The following SLBP variants were observed in gnomAD, a reference collection of about 807,000 sequenced individuals.
The protein encoded by SLBP is stem-loop histone mRNA binding protein.
A neutral mutation model predicts 39.2 loss-of-function variants in SLBP; 29 were observed. The ratio of observed to expected loss-of-function variants is 0.74; its 90% CI spans 0.55 to 1.01. The LOEUF is 1.01. Ranked by LOEUF, SLBP falls within the 50% of genes least tolerant of loss-of-function variation. The probability of loss-of-function intolerance (pLI) is 0.00; values close to 1 mark genes in which losing one functional copy is unlikely to be tolerated. For synonymous variants in SLBP, 129 were observed against 118.7 expected (o/e 1.09, Z -0.57); for missense variants, 390 against 350.2 (o/e 1.11, Z -0.91).
chr4:1,708,106 AG>A (rs1256674873), intron 2 of SLBP, among the ~76,000 whole-genome samples: 1 of 145,822 alleles, frequency 6.9e-6, no homozygotes, highest in Non-Finnish European at 1.5e-5. Flanking sequence ...AAAAAAAATC[AG>A]GCGGGCGTGG....
chr4:1,696,132 G>C, intron 6 of SLBP, 70 bp downstream of exon 6: 1 of 1,365,362 alleles, frequency 7.3e-7, no homozygotes, highest in Non-Finnish European at 9.9e-7. Flanking sequence ...TCCTGTCCCA[G>C]TGGTGCGCAG....
In SLBP at chr4:1,700,144, C is replaced by A; in HGVS notation, c.282-74G>T. The A allele has an allele frequency of 9.2e-6, 9 of 980,308 alleles. No individual in the cohort carries two copies. In the Admixed American group the frequency reaches 1.3e-4, roughly 14 times the overall value. 60.7% of individuals were successfully genotyped at this position (980,308 alleles called of 1,614,324 possible). On this transcript the variant is annotated intron_variant, in intron 3 of 7. Coordinates refer to ENST00000489418, the MANE Select transcript of SLBP (RefSeq NM_006527.4). Reference sequence around the variant, plus strand: ...AGCAGCCAGGTCTGAGGAAGCTCCACCCTGATGCCCGCAGGCACACCATCC... The same window carrying A: ...AGCAGCCAGGTCTGAGGAAGCTCCAACCTGATGCCCGCAGGCACACCATCC...
chr4:1,706,803 G>A (rs1056066378), intron 2 of SLBP, among the ~76,000 whole-genome samples: 1 of 152,054 alleles, frequency 6.6e-6, no homozygotes, highest in Non-Finnish European at 1.5e-5. Flanking sequence ...ACTCCAGCCT[G>A]GGGGAGAGAG....
Position 1,693,451 on chromosome 4 carries a change from A to G in SLBP, c.*146T>C. 1.6e-6 allele frequency: 1 copy of G among 636,066 alleles called. No individual in the cohort carries two copies. The highest frequency in any genetic ancestry group is 2.7e-5 in the Admixed American group (1 of 37,570). The allele number at this position is 636,066 out of a possible 1,614,324, so 39.4% of individuals were successfully genotyped here. On this transcript the variant is annotated 3_prime_UTR_variant, in exon 8 of 8. Coordinates refer to ENST00000489418, the MANE Select transcript of SLBP (RefSeq NM_006527.4). Reference sequence around the variant, plus strand: ...TACATAAAATTAATGTTTCTTAAGAAAGTAAGGCAAAAATAATTCAGCATG... The same window carrying G: ...TACATAAAATTAATGTTTCTTAAGAGAGTAAGGCAAAAATAATTCAGCATG...
intron 2 of SLBP, among the ~76,000 whole-genome samples, chr4:1,710,498 A>G (rs577561090): frequency 4.6e-5 from 7 of 152,232 alleles, no homozygotes; most frequent in Admixed American, 1.3e-4. Context: ...GGACATACCT[A>G]GAAGAACACG....
chr4:1,694,396 C>CT (rs35411773), intron 7 of SLBP, among the ~76,000 whole-genome samples: 3,038 of 136,798 alleles, frequency 0.022, 32 homozygotes, highest in African/African-American at 0.023. Context: ...GGTTTTCTTT[C>CT]TTTTTTTTTT....
At chr4:1,711,752 A>C in intron 2 of SLBP, 122 bp downstream of exon 2, 1 of 465,762 alleles carries the variant, frequency 2.1e-6, no homozygotes, top group Non-Finnish European at 3.5e-6. Context: ...GGAGACCAAG[A>C]TAAAAGGACG....
rs761754140 is a variant in SLBP at position 1,694,844 on chromosome 4, T to C, written c.630-4A>G. 4 of 1,610,250 alleles carry C rather than the reference T, an allele frequency of 2.5e-6. No individual in the cohort carries two copies. Among genetic ancestry groups the C allele is most frequent in the Non-Finnish European group, 3.4e-6 (4 of 1,176,488 alleles). On this transcript the variant is annotated splice_region_variant and splice_polypyrimidine_tract_variant and intron_variant, in intron 6 of 7. Transcript: ENST00000489418. The stretch of plus-strand genomic sequence containing the variant: ...AGATTCAAGGTCTACAGGGTGTCTG[T>C]TAAACAAGATCCAACATGTGCGTCA...
At chr4:1,697,172 A>G (rs1716140987) in intron 5 of SLBP, among the ~76,000 whole-genome samples, 1 of 148,636 alleles carries the variant, frequency 6.7e-6, no homozygotes, top group Non-Finnish European at 1.5e-5. Flanking sequence ...AAAAAAAAAA[A>G]AAAAAAAAAA....
intron 2 of SLBP, among the ~76,000 whole-genome samples, chr4:1,710,915 G>A (rs1490148688): frequency 1.3e-5 from 2 of 151,984 alleles, no homozygotes; most frequent in African/African-American, 4.8e-5. Flanking sequence ...GCCGGGCGCG[G>A]TGGCATGCGC....
intron 6 of SLBP, 73 bp downstream of exon 6, chr4:1,696,129 C>T: frequency 1.5e-6 from 2 of 1,349,162 alleles, no homozygotes; most frequent in Non-Finnish European, 2.0e-6. Flanking sequence ...ACCTCCTGTC[C>T]CAGTGGTGCG....
chr4:1,698,754 G>C (rs143108258), intron 5 of SLBP, among the ~76,000 whole-genome samples: 1,845 of 149,296 alleles, frequency 0.012, 29 homozygotes, highest in African/African-American at 0.042. Context: ...AAAGTGCTGG[G>C]ATTACAGGCA....
chr4:1,699,563 C>T lies in SLBP; in HGVS notation c.479+1G>A. On this transcript the variant is annotated splice_donor_variant, in intron 5 of 7. Coordinates refer to ENST00000489418, the MANE Select transcript of SLBP (RefSeq NM_006527.4). LOFTEE classifies it high-confidence loss of function. ...AAGACATGCCACTGAAACAAGACTA[C>T]CTTGGGACTTCTTTAATATAACGAT... The T allele has an allele frequency of 6.2e-7, 1 of 1,613,940 alleles. No individual in the cohort carries two copies. The highest frequency in any genetic ancestry group is 8.5e-7 in the Non-Finnish European group (1 of 1,179,878).
intron 2 of SLBP, among the ~76,000 whole-genome samples, chr4:1,709,713 A>G (rs1577188659): frequency 6.7e-6 from 1 of 149,670 alleles, no homozygotes; most frequent in Non-Finnish European, 1.5e-5. Context: ...CCGGGTTCAC[A>G]CCATTCTCCT....
chr4:1,709,535 A>C (rs1716651671), intron 2 of SLBP, among the ~76,000 whole-genome samples: 1 of 152,154 alleles, frequency 6.6e-6, no homozygotes, highest in Non-Finnish European at 1.5e-5. Flanking sequence ...TTGAGCACAA[A>C]GGAGATTCAT....
At position 1,696,477 on chromosome 4, in the gene SLBP, TCATGCCTGTA is replaced by T. The variant is rs1716109284; in HGVS notation, c.480-136_480-127del. On this transcript the variant is annotated intron_variant, in intron 5 of 7. Transcript: ENST00000489418. Reference sequence around the variant, plus strand: ...ATTACAGATCACCAGGCATGGTGGCTCATGCCTGTAATCCTAGCATTTTGGGAGGTCATGC... The same window carrying T: ...ATTACAGATCACCAGGCATGGTGGCTATCCTAGCATTTTGGGAGGTCATGC... The T allele has an allele frequency of 1.1e-5, 9 of 786,502 alleles. No homozygotes were observed. The Admixed American group carries it at 3.0e-4, about 26-fold the overall frequency. The allele number at this position is 786,502 out of a possible 1,614,324, so 48.7% of individuals were successfully genotyped here. A position where few individuals can be genotyped will look rare whatever the true frequency, so the allele number is the denominator to read the frequency against.
chr4:1,699,153 T>C (rs1716232873), intron 5 of SLBP, among the ~76,000 whole-genome samples: 1 of 152,222 alleles, frequency 6.6e-6, no homozygotes. Flanking sequence ...TATCCTTCTG[T>C]GTCTGTGTGT....
intron 2 of SLBP, among the ~76,000 whole-genome samples, chr4:1,705,652 G>A (rs1360008202): frequency 6.6e-6 from 1 of 152,168 alleles, no homozygotes; most frequent in Non-Finnish European, 1.5e-5. Context: ...ATAATCTTCT[G>A]ATTTATCCAA....
chr4:1,702,578 TAACTGGGTTTGAATAAACCCAGTCCTTGC>T (rs1716366471), intron 3 of SLBP, among the ~76,000 whole-genome samples: 1 of 152,244 alleles, frequency 6.6e-6, no homozygotes, highest in Non-Finnish European at 1.5e-5. Flanking sequence ...AGCCACATTT[TAACTGGGTTTGAATAAACCCAGTCCTTGC>T]AACTGGGTTT....
Sources: allele counts gnomAD v4.1 joint callset (sites outside exome capture counted in the v4.1 genomes callset), GRCh38; gene constraint gnomAD v4.1.1; transcripts MANE v1.5; gene names NCBI Gene and HGNC (gene_info 2026-07-23, HGNC 2026-07-21).